Variants in POU6F2 observed in about 807,000 individuals in gnomAD.
POU6F2 encodes POU domain, class 6, transcription factor 2.
Under a neutral mutation model 71.3 loss-of-function variants are expected in POU6F2, and 31 were observed. The ratio of observed to expected loss-of-function variants is 0.43; its 90% CI spans 0.33 to 0.59. POU6F2 has a LOEUF of 0.59. Ranked by LOEUF, POU6F2 falls within the 20% of genes least tolerant of loss-of-function variation. The pLI is 0.04. For missense variants in POU6F2, 783 were observed against 856.8 expected, an observed-to-expected ratio of 0.91 and a Z score of 1.07; for synonymous variants, 347 against 355.7, an observed-to-expected ratio of 0.98 and a Z score of 0.27.
intron 8 of POU6F2, among the ~76,000 whole-genome samples, chr7:39,455,499 A>G (rs1250611748): frequency 6.6e-6 from 1 of 152,232 alleles, no homozygotes; most frequent in Non-Finnish European, 1.5e-5. Flanking sequence ...AAATATGCCC[A>G]TTATTTGCTG....
chr7:39,165,257 T>C (rs561286145), intron 2 of POU6F2, among the ~76,000 whole-genome samples: 2 of 152,304 alleles, frequency 1.3e-5, no homozygotes, highest in East Asian at 3.9e-4. Context: ...GTTAACCCTT[T>C]TAAGCCAGGC....
intron 2 of POU6F2, among the ~76,000 whole-genome samples, chr7:39,146,264 G>C (rs986700134): frequency 1.3e-5 from 2 of 152,170 alleles, no homozygotes; most frequent in Non-Finnish European, 2.9e-5. Context: ...TAATGTGACT[G>C]TAATGGAACC....
chr7:39,013,450 C>G, intron 1 of POU6F2: 1 of 159,258 alleles, frequency 6.3e-6, no homozygotes, highest in Non-Finnish European at 1.4e-5. Flanking sequence ...TGAGAAGAAC[C>G]CGGTACCTCA....
intron 5 of POU6F2, among the ~76,000 whole-genome samples, chr7:39,356,718 T>A (rs116599074): frequency 6.6e-6 from 1 of 152,184 alleles, no homozygotes; most frequent in Non-Finnish European, 1.5e-5. Flanking sequence ...TTGACGAAGA[T>A]AACGATGACT....
intron 1 of POU6F2, among the ~76,000 whole-genome samples, chr7:39,060,656 G>A (rs1391139842): frequency 1.3e-5 from 2 of 152,182 alleles, no homozygotes; most frequent in Non-Finnish European, 2.9e-5. Flanking sequence ...ATGCTGTGTA[G>A]CTAGACGCAG....
chr7:39,010,557 T>C (rs1366888417), intron 1 of POU6F2, among the ~76,000 whole-genome samples: 1 of 148,402 alleles, frequency 6.7e-6, no homozygotes, highest in East Asian at 2.0e-4. Flanking sequence ...ATTTCTTGCC[T>C]TCTGCTAGCT....
At chr7:39,170,414 AG>A (rs1793195903) in intron 2 of POU6F2, among the ~76,000 whole-genome samples, 1 of 152,180 alleles carries the variant, frequency 6.6e-6, no homozygotes, top group African/African-American at 2.4e-5. Context: ...CATCAGGTCT[AG>A]GTCTGTAGAT....
chr7:39,150,702 A>G (rs994699705), intron 2 of POU6F2, among the ~76,000 whole-genome samples: 2 of 151,762 alleles, frequency 1.3e-5, no homozygotes, highest in East Asian at 3.9e-4. Context: ...TCCTGACCTT[A>G]GGTGATCTGC....
At chr7:39,094,217 C>T (rs1791410194) in intron 2 of POU6F2, among the ~76,000 whole-genome samples, 1 of 151,988 alleles carries the variant, frequency 6.6e-6, no homozygotes, top group Admixed American at 6.6e-5. Context: ...CAAGAAGATT[C>T]CTCAGGATTT....
intron 4 of POU6F2, among the ~76,000 whole-genome samples, chr7:39,297,838 A>T (rs576396352): frequency 6.6e-6 from 1 of 152,320 alleles, no homozygotes; most frequent in Non-Finnish European, 1.5e-5. Context: ...CAGAGACCTC[A>T]GAAATAACAC....
chr7:39,444,065 A>G (rs939977629), intron 7 of POU6F2, among the ~76,000 whole-genome samples: 1 of 152,224 alleles, frequency 6.6e-6, no homozygotes, highest in African/African-American at 2.4e-5. Context: ...ATGAATTTTC[A>G]CATCTGCCTA....
intron 7 of POU6F2, among the ~76,000 whole-genome samples, chr7:39,448,445 C>A (rs1788576359): frequency 6.6e-6 from 1 of 152,096 alleles, no homozygotes; most frequent in African/African-American, 2.4e-5. Context: ...GTAAGCAGAA[C>A]CCCAGTGTCC....
chr7:39,367,335 A>G (rs1320413429), intron 5 of POU6F2, among the ~76,000 whole-genome samples: 2 of 152,212 alleles, frequency 1.3e-5, no homozygotes, highest in Non-Finnish European at 1.5e-5. Flanking sequence ...GAAAATAAAC[A>G]CAATTTTAAA....
intron 4 of POU6F2, among the ~76,000 whole-genome samples, chr7:39,264,752 C>A (rs1056625846): frequency 6.6e-6 from 1 of 151,930 alleles, no homozygotes; most frequent in Non-Finnish European, 1.5e-5. Context: ...GATATATGTG[C>A]AAATATGCAT....
At chr7:39,457,330 A>T (rs530150283) in intron 8 of POU6F2, among the ~76,000 whole-genome samples, 1 of 152,300 alleles carries the variant, frequency 6.6e-6, no homozygotes, top group East Asian at 1.9e-4. Context: ...ATCCAACTGA[A>T]TCTCGCTGAT....
At chr7:39,342,376 T>G (rs1467267505) in intron 5 of POU6F2, among the ~76,000 whole-genome samples, 1 of 152,216 alleles carries the variant, frequency 6.6e-6, no homozygotes, top group East Asian at 1.9e-4. Context: ...TGCAAAGATA[T>G]TTAACTCTCC....
intron 4 of POU6F2, among the ~76,000 whole-genome samples, chr7:39,324,884 C>T (rs528506523): frequency 6.6e-5 from 10 of 152,222 alleles, no homozygotes; most frequent in Admixed American, 4.6e-4. Context: ...CTGTCAGTTG[C>T]GTTCTTTTTA....
At chr7:39,133,730 G>A (rs1355335659) in intron 2 of POU6F2, among the ~76,000 whole-genome samples, 4 of 152,184 alleles carry the variant, frequency 2.6e-5, no homozygotes, top group Non-Finnish European at 5.9e-5. Context: ...CCTATGGCTT[G>A]GTAGACTGTG....
At chr7:39,170,010 C>T (rs528719175) in intron 2 of POU6F2, among the ~76,000 whole-genome samples, 3 of 152,170 alleles carry the variant, frequency 2.0e-5, no homozygotes, top group South Asian at 2.1e-4. Context: ...TGGCGAAACC[C>T]TGTTTCTACT....
Sources: gnomAD v4.1 joint callset for allele counts (sites outside exome capture counted in the v4.1 genomes callset) on GRCh38, gnomAD v4.1.1 for gene constraint, MANE v1.5 for transcripts, NCBI Gene and HGNC (gene_info 2026-07-23, HGNC 2026-07-21) for gene names.